Variants in NPM1 observed in about 807,000 individuals in gnomAD.
The protein encoded by NPM1 is nucleophosmin.
In NPM1, 1 loss-of-function variant was observed where a neutral mutation model predicts 44.1. The ratio of observed to expected loss-of-function variants is 0.02; its 90% CI spans 0.01 to 0.11. The LOEUF (loss-of-function observed/expected upper bound fraction) is 0.11, where lower values mean the gene tolerates loss of function less well. NPM1 is among the 10% of genes least tolerant of loss of function. NPM1 has a pLI of 1.00. For synonymous variants in NPM1, 126 were observed against 111.8 expected (o/e 1.13, Z -0.80); for missense variants, 197 against 347.8 (o/e 0.57, Z 3.45).
chr5:171,410,416 C>G, intron 10 of NPM1, 111 bp from the exon 11 acceptor site: 1 of 602,296 alleles, frequency 1.7e-6, no homozygotes, highest in Admixed American at 3.2e-5. Flanking sequence ...AGTTAACTCT[C>G]TGGTGGTAGA....
In NPM1 at chr5:171,391,411, C is replaced by G; in HGVS notation, c.245C>G (p.Ser82Cys). ...GTAACACTGGCAACTTTGAAAATGT[C>G]TGTACAGCCAACGGTAAGGGCACTT... ...IKVTLATLKM[S>C]VQPTVSLGGF... The change falls in exon 3 of 11, where the codon TCT (serine) becomes TGT (cysteine). Residue 82 changes from serine to cysteine, a missense_variant. By Grantham distance (112) the Ser-to-Cys change is moderately radical. Transcript: ENST00000296930. 6.2e-7 allele frequency: 1 copy of G among 1,607,966 alleles called. No individual in the cohort carries two copies. The highest frequency in any genetic ancestry group is 8.5e-7 in the Non-Finnish European group (1 of 1,179,948).
At chr5:171,402,476 C>G (rs954700645) in intron 8 of NPM1, among the ~76,000 whole-genome samples, 1 of 139,800 alleles carries the variant, frequency 7.2e-6, no homozygotes, top group Non-Finnish European at 1.5e-5. Context: ...AACAGAACTA[C>G]CATTTGACCC....
chr5:171,407,800 T>C, intron 10 of NPM1, 26 bp downstream of exon 10: 2 of 1,451,670 alleles, frequency 1.4e-6, no homozygotes, highest in Non-Finnish European at 1.9e-6. Flanking sequence ...GGGGACATGA[T>C]TAAATCCAAG....
chr5:171,407,838 C>G (rs893836538), intron 10 of NPM1, 64 bp downstream of exon 10: 1 of 992,428 alleles, frequency 1.0e-6, no homozygotes, highest in South Asian at 1.4e-5. Context: ...ATGATTCTGC[C>G]TTTACCCTTT....
chr5:171,395,197 A>G (rs768845253), intron 6 of NPM1, among the ~76,000 whole-genome samples: 7 of 152,158 alleles, frequency 4.6e-5, no homozygotes, highest in Non-Finnish European at 8.8e-5. Flanking sequence ...ATGGGTATAA[A>G]TTCATGATGT....
intron 9 of NPM1, chr5:171,406,516 A>G (rs1249726593): frequency 2.6e-6 from 4 of 1,562,768 alleles, no homozygotes; most frequent in Non-Finnish European, 2.6e-6. Flanking sequence ...GAAGTCTTCT[A>G]TTTTAATCTC....
intron 2 of NPM1, chr5:171,390,963 C>A: frequency 6.0e-6 from 1 of 165,876 alleles, no homozygotes; most frequent in South Asian, 1.8e-4. Flanking sequence ...ACCTCATGAT[C>A]TGCCCGCCTC....
chr5:171,404,321 G>C (rs1472980498), intron 8 of NPM1, among the ~76,000 whole-genome samples: 3 of 85,208 alleles, frequency 3.5e-5, no homozygotes, highest in Non-Finnish European at 4.8e-5. Context: ...CGGGCGGAGA[G>C]GCTCCTCACT....
At position 171,403,486 on chromosome 5, in the gene NPM1, A is replaced by G. The variant is rs1056313079; in HGVS notation, c.670-1816A>G. On this transcript the variant is annotated intron_variant, in intron 8 of 10. Coordinates refer to ENST00000296930, the MANE Select transcript of NPM1 (RefSeq NM_002520.7). ...TGCCTTTCTATTCCACAAAGCTGCC[A>G]TCGTCATCCTGGCCCGTTCTCAATG... is the stretch of plus-strand genomic sequence containing the variant. 5.8e-5 allele frequency among the ~76,000 whole-genome samples: 7 copies of G among 121,082 alleles called. 1 individual carries two copies. Among genetic ancestry groups the G allele is most frequent in the African/African-American group, 2.1e-4 (7 of 32,678 alleles). 79.4% of individuals were successfully genotyped at this position (121,082 alleles called of 152,430 possible). A position where few individuals can be genotyped will look rare whatever the true frequency, so the allele number is the denominator to read the frequency against.
intron 9 of NPM1, chr5:171,406,278 C>T (rs1388885081): frequency 1.1e-6 from 1 of 886,690 alleles, no homozygotes; most frequent in Non-Finnish European, 1.9e-6. Flanking sequence ...CACTGTAAAC[C>T]CTTTAGCCTT....
At chr5:171,400,681 C>T (rs902500568) in intron 7 of NPM1, 158 bp from the exon 8 acceptor site, 9 of 548,488 alleles carry the variant, frequency 1.6e-5, no homozygotes, top group South Asian at 8.6e-5. Context: ...CTCCTGACCT[C>T]GTGATCCACC....
chr5:171,396,141 G>A (rs1049162730), intron 6 of NPM1, among the ~76,000 whole-genome samples: 1 of 151,910 alleles, frequency 6.6e-6, no homozygotes, highest in Non-Finnish European at 1.5e-5. Context: ...CAGCATGCCA[G>A]GCTAATTTTT....
chr5:171,388,317 C>G (rs1329295299), intron 1 of NPM1, among the ~76,000 whole-genome samples: 1 of 152,150 alleles, frequency 6.6e-6, no homozygotes, highest in African/African-American at 2.4e-5. Flanking sequence ...GGATACGTGG[C>G]GGAGCTCCAG....
intron 6 of NPM1, among the ~76,000 whole-genome samples, chr5:171,395,765 C>G (rs1049194913): frequency 6.6e-6 from 1 of 152,046 alleles, no homozygotes; most frequent in Non-Finnish European, 1.5e-5. Flanking sequence ...GAACACAGAT[C>G]AAAGGGGAAT....
intron 8 of NPM1, among the ~76,000 whole-genome samples, chr5:171,401,351 CAAAAAAA>C (rs542259785): frequency 7.0e-6 from 1 of 143,090 alleles, no homozygotes; most frequent in Admixed American, 7.0e-5. Flanking sequence ...ACTCCGCCTC[CAAAAAAA>C]AAAATCAGCT....
intron 4 of NPM1, 41 bp from the exon 5 acceptor site, chr5:171,392,669 T>C: frequency 7.3e-7 from 1 of 1,365,008 alleles, no homozygotes; most frequent in Non-Finnish European, 1.0e-6. Flanking sequence ...TCTGACTTCT[T>C]GCTGCTTGAG....
intron 8 of NPM1, among the ~76,000 whole-genome samples, chr5:171,402,177 A>G (rs1298751737): frequency 6.7e-6 from 1 of 149,286 alleles, no homozygotes; most frequent in Non-Finnish European, 1.5e-5. Flanking sequence ...CATACAAACA[A>G]CCCCACTAAA....
chr5:171,396,922 G>A (rs748109146), intron 6 of NPM1, among the ~76,000 whole-genome samples: 15 of 151,994 alleles, frequency 9.9e-5, no homozygotes, highest in Non-Finnish European at 1.8e-4. Context: ...GCAGTGAGCC[G>A]AGATCGCACC....
At chr5:171,393,611 A>G (rs1770710828) in intron 6 of NPM1, among the ~76,000 whole-genome samples, 1 of 139,704 alleles carries the variant, frequency 7.2e-6, no homozygotes, top group South Asian at 2.4e-4. Context: ...TGCCAGTACC[A>G]GTAATGCATT....
Sources: allele counts gnomAD v4.1 joint callset (sites outside exome capture counted in the v4.1 genomes callset), GRCh38; gene constraint gnomAD v4.1.1; transcripts MANE v1.5; gene names NCBI Gene and HGNC (gene_info 2026-07-23, HGNC 2026-07-21).